Variants in GDI2 observed in about 807,000 individuals in gnomAD.
GDI2 encodes GDP dissociation inhibitor 2, also known as rab GDP dissociation inhibitor beta.
A neutral mutation model predicts 54.2 loss-of-function variants in GDI2; 22 were observed. The ratio of observed to expected loss-of-function variants is 0.41; its 90% CI spans 0.29 to 0.58. The LOEUF is 0.58. Among genes scored for constraint, GDI2 ranks in the 20% least tolerant of loss-of-function variants. GDI2 has a pLI of 0.35. For missense variants in GDI2, 422 were observed against 546.0 expected, an observed-to-expected ratio of 0.77 and a Z score of 2.26; for synonymous variants, 177 against 182.1, an observed-to-expected ratio of 0.97 and a Z score of 0.23.
At chr10:5,803,200 T>C (rs1841307301) in intron 1 of GDI2, among the ~76,000 whole-genome samples, 1 of 152,126 alleles carries the variant, frequency 6.6e-6, no homozygotes, top group African/African-American at 2.4e-5. Flanking sequence ...GGCAGATGGC[T>C]TAAGCCCAGG....
At position 5,767,608 on chromosome 10, in the gene GDI2, GA is replaced by G. The variant is rs58346790; in HGVS notation, c.991+604del. Among the ~76,000 whole-genome samples, 920 of 151,788 alleles carry G rather than the reference GA, an allele frequency of 6.1e-3. 15 individuals carry two copies. The highest frequency in any genetic ancestry group is 0.042 in the South Asian group (204 of 4,806). On this transcript the variant is annotated intron_variant, in intron 8 of 10. Transcript: ENST00000380191. Reference sequence around the variant, plus strand: ...CCATGATTTCATTTCTTATATGGGGGAAAAAAAATCATTATACAGATAGCTC... The same window carrying G: ...CCATGATTTCATTTCTTATATGGGGGAAAAAAATCATTATACAGATAGCTC...
chr10:5,802,372 G>A (rs544079248), intron 1 of GDI2, among the ~76,000 whole-genome samples: 5 of 152,114 alleles, frequency 3.3e-5, no homozygotes, highest in Non-Finnish European at 5.9e-5. Context: ...AGGCCGAGGC[G>A]GGTGGATCAC....
Position 5,768,371 on chromosome 10 carries a change from T to TG in GDI2, c.832_833insC (p.Lys278ThrfsTer6), listed in dbSNP as rs1840407607. 1 of 1,611,310 alleles carries TG rather than the reference T, an allele frequency of 6.2e-7. No homozygotes were observed. The highest frequency in any genetic ancestry group is 8.5e-7 in the Non-Finnish European group (1 of 1,177,506). On this transcript the variant is annotated frameshift_variant, in exon 8 of 11. Coordinates refer to ENST00000380191, the MANE Select transcript of GDI2 (RefSeq NM_001494.4). LOFTEE classifies it high-confidence loss of function. The surrounding 1 kb of genome is among the most constrained non-coding windows in gnomAD (Gnocchi z 4.4). ...GTAGCTGGGGTCACAGATGAGCTGCTTACAGCGAGCAATCTATAACAAAGC... is the reference window on the plus strand; with the variant it reads ...GTAGCTGGGGTCACAGATGAGCTGCTGTACAGCGAGCAATCTATAACAAAGC...
intron 6 of GDI2, among the ~76,000 whole-genome samples, chr10:5,777,528 A>G (rs1840653692): frequency 6.6e-6 from 1 of 152,196 alleles, no homozygotes; most frequent in Non-Finnish European, 1.5e-5. Flanking sequence ...CATGAAAAAA[A>G]GCTCATCATC....
chr10:5,807,483 G>C (rs1841400305), intron 1 of GDI2, among the ~76,000 whole-genome samples: 1 of 152,172 alleles, frequency 6.6e-6, no homozygotes, highest in Admixed American at 6.5e-5. Flanking sequence ...ACAGGTAAGA[G>C]TACCCACTGT....
At chr10:5,813,117 C>A (rs1300311224) in intron 1 of GDI2, 97 bp downstream of exon 1, 3 of 706,626 alleles carry the variant, frequency 4.2e-6, no homozygotes, top group Non-Finnish European at 4.5e-6. Flanking sequence ...GACGGCAGAA[C>A]GAGACCCCCG....
intron 4 of GDI2, among the ~76,000 whole-genome samples, chr10:5,794,194 T>A (rs1384804708): frequency 0.067 from 1,968 of 29,314 alleles, 132 homozygotes; most frequent in East Asian, 0.1. Context: ...AAAAAATATA[T>A]ATATATATAT....
chr10:5,812,353 G>A (rs1841494970), intron 1 of GDI2, among the ~76,000 whole-genome samples: 1 of 152,102 alleles, frequency 6.6e-6, no homozygotes, highest in South Asian at 2.1e-4. Flanking sequence ...ATATTACAAT[G>A]CATTCTTCAT....
chr10:5,778,747 T>C (rs1840683431), intron 6 of GDI2, among the ~76,000 whole-genome samples: 1 of 152,164 alleles, frequency 6.6e-6, no homozygotes, highest in South Asian at 2.1e-4. Flanking sequence ...CAGTATTTGA[T>C]TGTAAGAAAT....
In GDI2 at chr10:5,776,433, C is replaced by A; in HGVS notation, c.720-2492G>T. On this transcript the variant is annotated intron_variant, in intron 6 of 10. Coordinates refer to ENST00000380191, the MANE Select transcript of GDI2 (RefSeq NM_001494.4). This position sits in a 1 kb window ranked among gnomAD's most constrained non-coding sequence, Gnocchi z 5.3. ...GATTCAAGGGATCTTTGACAGGGATCCAGACACGCTACTATTTTTACTTTA... is the reference window on the plus strand; with the variant it reads ...GATTCAAGGGATCTTTGACAGGGATACAGACACGCTACTATTTTTACTTTA... The A allele has an allele frequency of 1.2e-6, 1 of 821,198 alleles. No individual in the cohort carries two copies. The highest frequency in any genetic ancestry group is 1.3e-5 in the South Asian group (1 of 74,446). The allele number at this position is 821,198 out of a possible 1,614,324, so 50.9% of individuals were successfully genotyped here.
At chr10:5,800,944 A>ATT (rs571968017) in intron 1 of GDI2, among the ~76,000 whole-genome samples, 5 of 147,702 alleles carry the variant, frequency 3.4e-5, no homozygotes, top group African/African-American at 9.9e-5. Flanking sequence ...TCACCTTTTA[A>ATT]TTTTTTTTTT....
chr10:5,768,221 C>A lies in GDI2; in HGVS notation c.983G>T (p.Arg328Leu), dbSNP rs1448273811. 1.2e-6 allele frequency: 2 copies of A among 1,612,312 alleles called. No individual in the cohort carries two copies. Among genetic ancestry groups the A allele is most frequent in the African/African-American group, 2.7e-5 (2 of 74,860 alleles). The change falls in exon 8 of 11, where the codon CGA becomes CTA. Residue 328 changes from arginine to leucine, a missense_variant. Physicochemically the swap from Arg to Leu is moderately radical, Grantham distance 102 (BLOSUM62 -2). Transcript: ENST00000380191. This position sits in a 1 kb window ranked among gnomAD's most constrained non-coding sequence, Gnocchi z 4.4. ...TGGTCTTCAAACCTCACCTGACTTTCGATTGACTTGGTTCTGTGGAATAAT... is the reference window on the plus strand; with the variant it reads ...TGGTCTTCAAACCTCACCTGACTTTAGATTGACTTGGTTCTGTGGAATAAT... ...QIIIPQNQVN[R>L]KSDIYVCMIS...
intron 8 of GDI2, among the ~76,000 whole-genome samples, chr10:5,767,480 T>C (rs1840376396): frequency 6.6e-6 from 1 of 152,024 alleles, no homozygotes; most frequent in African/African-American, 2.4e-5. Context: ...CACCTAGCCA[T>C]TTTTGTTTGT....
At chr10:5,771,813 C>T (rs930550009) in intron 7 of GDI2, among the ~76,000 whole-genome samples, 11 of 152,114 alleles carry the variant, frequency 7.2e-5, no homozygotes, top group African/African-American at 1.7e-4. Context: ...TATCCCTGGC[C>T]GAGCGCGGTG....
chr10:5,791,750 G>GA (rs35475458), intron 4 of GDI2, among the ~76,000 whole-genome samples: 25,618 of 137,090 alleles, frequency 0.19, 2,526 homozygotes, highest in Admixed American at 0.24. Flanking sequence ...CAAAAAAAAA[G>GA]AAAAAAAAAA....
rs770089565 is a variant in GDI2, at chr10:5,785,899, G to T, written c.540C>A (p.Asp180Glu). ...GAGCATGACCAGTAAAATCTATAAC[G>T]TCTTGACCCAAATCAAATTTCTTAT... ...DVYKKFDLGQ[D>E]VIDFTGHALA... The change falls in exon 5 of 11, where the codon GAC becomes GAA. Residue 180 changes from aspartate to glutamate, a missense_variant. By Grantham distance (45) the Asp-to-Glu change is conservative. Coordinates refer to ENST00000380191, the MANE Select transcript of GDI2 (RefSeq NM_001494.4). 1 of 1,611,622 alleles carries T rather than the reference G, an allele frequency of 6.2e-7. No homozygotes were observed. The highest frequency in any genetic ancestry group is 1.1e-5 in the South Asian group (1 of 91,032).
At chr10:5,782,247 A>G (rs1840773492) in intron 6 of GDI2, among the ~76,000 whole-genome samples, 1 of 152,204 alleles carries the variant, frequency 6.6e-6, no homozygotes, top group East Asian at 1.9e-4. Context: ...TGAGTCAAGA[A>G]ATACAAATTA....
chr10:5,791,964 G>T (rs1026567246), intron 4 of GDI2, among the ~76,000 whole-genome samples: 3 of 152,060 alleles, frequency 2.0e-5, no homozygotes, highest in African/African-American at 4.8e-5. Flanking sequence ...CTCTGGTCTG[G>T]CTGCCATATT....
At chr10:5,782,249 T>C (rs77893560) in intron 6 of GDI2, among the ~76,000 whole-genome samples, 3,515 of 152,142 alleles carry the variant, frequency 0.023, 54 homozygotes, top group South Asian at 0.037. Context: ...AGTCAAGAAA[T>C]ACAAATTAAA....
Sources: gnomAD v4.1 joint callset for allele counts (sites outside exome capture counted in the v4.1 genomes callset) on GRCh38, gnomAD v4.1.1 for gene constraint, Gnocchi (gnomAD v3.1) non-coding constraint, MANE v1.5 for transcripts, NCBI Gene and HGNC (gene_info 2026-07-23, HGNC 2026-07-21) for gene names.